The following FBXW10B variants were observed in gnomAD, a reference collection of about 807,000 sequenced individuals.
The protein encoded by FBXW10B is F-box and WD repeat domain containing protein 10B.
At chr17:15,574,521 GAATT>G in the FBXW10B span, among the ~76,000 whole-genome samples, 1 of 106,024 alleles carries the variant, frequency 9.4e-6, no homozygotes, top group Non-Finnish European at 1.9e-5. Context: ...CTTTATGATA[GAATT>G]ATTTATCAGA....
chr17:15,616,717 G>C, the FBXW10B span, among the ~76,000 whole-genome samples: 1 of 150,806 alleles, frequency 6.6e-6, no homozygotes, highest in African/African-American at 2.4e-5. Context: ...GCTGAGGCAG[G>C]AGAATGGCGT....
At chr17:15,618,013 A>G in the FBXW10B span, among the ~76,000 whole-genome samples, 2 of 152,196 alleles carry the variant, frequency 1.3e-5, no homozygotes, top group African/African-American at 4.8e-5. Flanking sequence ...CAACATCAGC[A>G]CTAGCTGGAA....
the FBXW10B span, among the ~76,000 whole-genome samples, chr17:15,574,962 C>T: frequency 6.9e-6 from 1 of 144,454 alleles, no homozygotes; most frequent in Non-Finnish European, 1.5e-5. Context: ...CTTCCCTGTA[C>T]CTCTTACACA....
the FBXW10B span, among the ~76,000 whole-genome samples, chr17:15,584,966 TTC>T: frequency 9.5e-5 from 8 of 84,540 alleles, no homozygotes; most frequent in Admixed American, 5.0e-4. Flanking sequence ...AACCTTCTTC[TTC>T]TTTTTTTTTT....
chr17:15,565,781 G>T, the FBXW10B span: 64 of 1,613,992 alleles, frequency 4.0e-5, no homozygotes, highest in East Asian at 1.4e-3. Context: ...GTATAGATGC[G>T]AGGCCGTTCT....
chr17:15,574,197 C>G, the FBXW10B span: 1 of 702,846 alleles, frequency 1.4e-6, no homozygotes. Context: ...GGAGCAGACA[C>G]AAAAGGAAAA....
At chr17:15,599,661 T>C in the FBXW10B span, among the ~76,000 whole-genome samples, 1 of 151,332 alleles carries the variant, frequency 6.6e-6, no homozygotes, top group African/African-American at 2.4e-5. Flanking sequence ...ATATAGGGCA[T>C]ATCTAAGAGA....
At chr17:15,592,320 A>G in the FBXW10B span, among the ~76,000 whole-genome samples, 2 of 76,840 alleles carry the variant, frequency 2.6e-5, no homozygotes, top group African/African-American at 1.1e-4. Flanking sequence ...TTTTTTTTTT[A>G]GCAGCATGAC....
the FBXW10B span, among the ~76,000 whole-genome samples, chr17:15,591,355 T>A: frequency 6.6e-6 from 1 of 152,170 alleles, no homozygotes; most frequent in Non-Finnish European, 1.5e-5. Context: ...AGTGGTGCGA[T>A]CTCGGCTCAC....
the FBXW10B span, among the ~76,000 whole-genome samples, chr17:15,602,090 C>T: frequency 1.4e-5 from 2 of 143,570 alleles, no homozygotes; most frequent in South Asian, 2.2e-4. Flanking sequence ...CTAGCCTGGG[C>T]GAGAGAGCGA....
the FBXW10B span, among the ~76,000 whole-genome samples, chr17:15,617,369 A>G: frequency 6.6e-6 from 1 of 151,986 alleles, no homozygotes; most frequent in Non-Finnish European, 1.5e-5. Context: ...CCTCCATGTG[A>G]CCACCCCCTC....
chr17:15,574,132 T>C, the FBXW10B span: 22 of 751,336 alleles, frequency 2.9e-5, no homozygotes, highest in African/African-American at 2.2e-4. Flanking sequence ...AAGGCAGAGC[T>C]GTGCTTCCTT....
chr17:15,575,238 G>A, the FBXW10B span, among the ~76,000 whole-genome samples: 4 of 147,658 alleles, frequency 2.7e-5, no homozygotes, highest in Admixed American at 1.3e-4. Flanking sequence ...GAATGTTTCC[G>A]GGGGTCCTTG....
At chr17:15,565,517 A>G in the FBXW10B span, 4 of 1,611,824 alleles carry the variant, frequency 2.5e-6, no homozygotes, top group Non-Finnish European at 3.4e-6. Context: ...AAACACTGTA[A>G]TTTCCCAAGG....
the FBXW10B span, chr17:15,572,970 C>T: frequency 6.6e-6 from 1 of 152,090 alleles, no homozygotes; most frequent in Non-Finnish European, 1.5e-5. Flanking sequence ...AGGAGAGAGA[C>T]TTGGGGCAGC....
chr17:15,587,251 T>C, the FBXW10B span, among the ~76,000 whole-genome samples: 1 of 151,134 alleles, frequency 6.6e-6, no homozygotes, highest in Non-Finnish European at 1.5e-5. Context: ...TGGAAGTAAC[T>C]GACCACAGGG....
At chr17:15,619,567 C>T in the FBXW10B span, 1 of 1,580,788 alleles carries the variant, frequency 6.3e-7, no homozygotes, top group Non-Finnish European at 8.6e-7. Flanking sequence ...GGCAACGCCA[C>T]CAAACACTAG....
At chr17:15,593,070 T>C in the FBXW10B span, among the ~76,000 whole-genome samples, 1 of 143,842 alleles carries the variant, frequency 7.0e-6, no homozygotes, top group African/African-American at 2.7e-5. Flanking sequence ...ATCACTGCAC[T>C]CCAGCCTGTG....
At chr17:15,613,462 G>A in the FBXW10B span, 20 of 411,004 alleles carry the variant, frequency 4.9e-5, no homozygotes, top group Admixed American at 3.6e-4. Flanking sequence ...CAGGAGTTTG[G>A]ACCAAAAAGA....
Sources: allele counts gnomAD v4.1 joint callset (sites outside exome capture counted in the v4.1 genomes callset), GRCh38; gene constraint gnomAD v4.1.1; transcripts MANE v1.5; gene names NCBI Gene and HGNC (gene_info 2026-07-23, HGNC 2026-07-21).